Variants in CACNG4 observed in about 807,000 individuals in gnomAD.
The protein encoded by CACNG4 is voltage-dependent calcium channel gamma-4 subunit.
CACNG4 carries 8 observed loss-of-function variants against 22.9 expected under a neutral mutation model. That is an observed-to-expected ratio of 0.35 (90% CI 0.21 to 0.63). The LOEUF (loss-of-function observed/expected upper bound fraction) is 0.63. Among genes scored for constraint, CACNG4 ranks in the 30% least tolerant of loss-of-function variants. The probability of loss-of-function intolerance (pLI) is 0.72; values close to 1 mark genes in which losing one functional copy is unlikely to be tolerated. For synonymous variants in CACNG4, 188 were observed against 191.9 expected (o/e 0.98, Z 0.17); for missense variants, 357 against 455.4 (o/e 0.78, Z 1.97).
chr17:66,987,873 G>A (rs2035313647), intron 1 of CACNG4, among the ~76,000 whole-genome samples: 1 of 152,008 alleles, frequency 6.6e-6, no homozygotes. Flanking sequence ...CATTCAGCTG[G>A]TGAGCAGAGC....
rs1034243484 is a variant in CACNG4, at chr17:66,989,067, A to G, written c.220+23936A>G. ...CAGAGCAAGACTCTGCCTCAAAAAAAAAAAAAAAAAAAAAGGCAAGAGAGT... is the reference window on the plus strand; with the variant it reads ...CAGAGCAAGACTCTGCCTCAAAAAAGAAAAAAAAAAAAAAGGCAAGAGAGT... On this transcript the variant is annotated intron_variant, in intron 1 of 3. Transcript: ENST00000262138. 3.8e-4 allele frequency among the ~76,000 whole-genome samples: 56 copies of G among 146,826 alleles called. 2 individuals are homozygous for G. The highest frequency in any genetic ancestry group is 1.5e-3 in the African/African-American group (56 of 38,020).
chr17:67,019,814 C>T (rs1406568947), intron 2 of CACNG4: 1 of 152,264 alleles, frequency 6.6e-6, no homozygotes, highest in African/African-American at 2.4e-5. Flanking sequence ...CTGTCCCATT[C>T]ATGGTCCCGG....
At chr17:66,990,640 A>G (rs1265470851) in intron 1 of CACNG4, among the ~76,000 whole-genome samples, 1 of 147,636 alleles carries the variant, frequency 6.8e-6, no homozygotes. Context: ...CTTTAAATCT[A>G]AGTCTCCTTA....
intron 1 of CACNG4, among the ~76,000 whole-genome samples, chr17:66,992,755 G>C (rs1454783688): frequency 6.6e-6 from 1 of 152,252 alleles, no homozygotes; most frequent in African/African-American, 2.4e-5. Flanking sequence ...TGAGCCCAAA[G>C]CTGGACTTCC....
At chr17:67,023,568 C>A (rs2035545087) in intron 2 of CACNG4, among the ~76,000 whole-genome samples, 2 of 116,818 alleles carry the variant, frequency 1.7e-5, no homozygotes, top group African/African-American at 6.2e-5. Context: ...AGCCACCGCG[C>A]CCAGCCCTTT....
At chr17:66,988,331 T>C (rs77001806) in intron 1 of CACNG4, among the ~76,000 whole-genome samples, 3,508 of 152,164 alleles carry the variant, frequency 0.023, 110 homozygotes, top group African/African-American at 0.081. Flanking sequence ...ATCAGAACTA[T>C]TGTGTGCATG....
At chr17:67,001,366 C>T (rs2035406910) in intron 1 of CACNG4, among the ~76,000 whole-genome samples, 1 of 152,120 alleles carries the variant, frequency 6.6e-6, no homozygotes, top group African/African-American at 2.4e-5. Flanking sequence ...GCCCTGCCAC[C>T]CCTGTCCCCT....
chr17:67,017,580 C>T (rs146806040), intron 1 of CACNG4, among the ~76,000 whole-genome samples: 4,781 of 151,694 alleles, frequency 0.032, 243 homozygotes, highest in African/African-American at 0.11. Context: ...TGCAGTGGCG[C>T]GATCTTGGCT....
Position 67,024,934 on chromosome 17 carries a change from G to T in CACNG4, c.379G>T (p.Ala127Ser). ...CCTGCTGGGTGGCCTGTGCATCGGT[G>T]CTGGCAGGATCTACAGCCGCAAGAA... is the stretch of plus-strand genomic sequence containing the variant. The part of the protein sequence containing the change: ...LLLLGGLCIG[A>S]GRIYSRKNNI... The change falls in exon 3 of 4, where the codon GCT (alanine) becomes TCT (serine). Residue 127 changes from alanine to serine, a missense_variant. By Grantham distance (99) the Ala-to-Ser change is moderately conservative (BLOSUM62 1). Coordinates refer to ENST00000262138, the MANE Select transcript of CACNG4 (RefSeq NM_014405.4). The T allele has an allele frequency of 6.2e-7, 1 of 1,607,248 alleles. No individual in the cohort carries two copies.
intron 1 of CACNG4, among the ~76,000 whole-genome samples, chr17:66,998,821 T>C (rs2035390408): frequency 6.6e-6 from 1 of 152,198 alleles, no homozygotes; most frequent in Non-Finnish European, 1.5e-5. Flanking sequence ...TGAGCCCCTT[T>C]CCAAACAGAC....
At chr17:67,019,728 G>A (rs896302566) in intron 2 of CACNG4, among the ~76,000 whole-genome samples, 3 of 152,160 alleles carry the variant, frequency 2.0e-5, no homozygotes, top group East Asian at 1.9e-4. Flanking sequence ...GAAACAAACC[G>A]TTCCCTCTCC....
intron 1 of CACNG4, among the ~76,000 whole-genome samples, chr17:67,004,844 C>A (rs2035428175): frequency 6.6e-6 from 1 of 152,168 alleles, no homozygotes; most frequent in South Asian, 2.1e-4. Flanking sequence ...CCACCTCAAC[C>A]TCCCACATAG....
intron 3 of CACNG4, among the ~76,000 whole-genome samples, chr17:67,028,236 C>G (rs1013163240): frequency 1.3e-5 from 2 of 152,162 alleles, no homozygotes; most frequent in African/African-American, 4.8e-5. Context: ...GGTGCAGAGA[C>G]AAACACAACA....
intron 2 of CACNG4, among the ~76,000 whole-genome samples, chr17:67,018,672 A>G (rs2035514805): frequency 6.6e-6 from 1 of 152,112 alleles, no homozygotes; most frequent in African/African-American, 2.4e-5. Flanking sequence ...TCTAAGCACA[A>G]TGGGGCCTCC....
chr17:66,997,505 A>G (rs1476383376), intron 1 of CACNG4, among the ~76,000 whole-genome samples: 3 of 152,112 alleles, frequency 2.0e-5, no homozygotes, highest in Non-Finnish European at 4.4e-5. Flanking sequence ...AGTCTGAGGA[A>G]TTGCAGTGCA....
intron 1 of CACNG4, among the ~76,000 whole-genome samples, chr17:67,011,868 G>A (rs1002563407): frequency 2.0e-5 from 3 of 151,974 alleles, no homozygotes; most frequent in East Asian, 1.9e-4. Context: ...CTGCTGGGCC[G>A]CCTTCTCCCT....
chr17:67,028,140 G>T (rs1031692274), intron 3 of CACNG4, among the ~76,000 whole-genome samples: 15 of 152,328 alleles, frequency 9.8e-5, no homozygotes, highest in African/African-American at 3.6e-4. Context: ...TGTGCTCAGG[G>T]CAGGACTGCT....
At chr17:67,000,731 G>A (rs554271039) in intron 1 of CACNG4, among the ~76,000 whole-genome samples, 46 of 152,276 alleles carry the variant, frequency 3.0e-4, no homozygotes, top group African/African-American at 8.4e-4. Flanking sequence ...TTCGGGACGG[G>A]GGGAGGGATG....
intron 3 of CACNG4, among the ~76,000 whole-genome samples, chr17:67,026,453 ATG>A (rs747659784): frequency 9.1e-5 from 11 of 121,194 alleles, no homozygotes; most frequent in African/African-American, 3.1e-4. Context: ...AATGTGGTGT[ATG>A]TGTGTGTATT....
Sources: gnomAD v4.1 joint callset for allele counts (sites outside exome capture counted in the v4.1 genomes callset) on GRCh38, gnomAD v4.1.1 for gene constraint, MANE v1.5 for transcripts, NCBI Gene and HGNC (gene_info 2026-07-23, HGNC 2026-07-21) for gene names.